Variants in APOOL observed in about 807,000 individuals in gnomAD.
APOOL encodes the protein MICOS complex subunit MIC27.
APOOL carries 12 observed loss-of-function variants against 23.1 expected under a neutral mutation model. The ratio of observed to expected loss-of-function variants is 0.52; its 90% CI spans 0.33 to 0.84. The LOEUF (loss-of-function observed/expected upper bound fraction) is 0.84. Ranked by LOEUF, APOOL falls within the 40% of genes least tolerant of loss-of-function variation. The probability of loss-of-function intolerance (pLI) is 0.02; values close to 1 mark genes in which losing one functional copy is unlikely to be tolerated. For synonymous variants in APOOL, 77 were observed against 69.9 expected (o/e 1.10, Z -0.51); for missense variants, 212 against 199.6 (o/e 1.06, Z -0.37).
At chrX:85,083,088 A>G (rs751449515) in intron 8 of APOOL, among the ~76,000 whole-genome samples, 2 of 110,989 alleles carry the variant, frequency 1.8e-5, no homozygotes, top group Non-Finnish European at 3.8e-5. Flanking sequence ...GATTGAGATG[A>G]TAAGTGTTTC....
chrX:85,034,969 T>C, intron 1 of APOOL, among the ~76,000 whole-genome samples: 1 of 112,038 alleles, frequency 8.9e-6, no homozygotes, highest in Non-Finnish European at 1.9e-5. Context: ...CCTTTGGATA[T>C]ATACCCAGTA....
At chrX:85,070,835 G>GAAAAA (rs1304555775) in intron 6 of APOOL, among the ~76,000 whole-genome samples, 1 of 108,939 alleles carries the variant, frequency 9.2e-6, no homozygotes, top group Non-Finnish European at 1.9e-5. Flanking sequence ...AAAAAAAAAT[G>GAAAAA]AAATCAGTAT....
intron 1 of APOOL, among the ~76,000 whole-genome samples, chrX:85,017,120 G>T (rs377441332): frequency 8.9e-6 from 1 of 111,923 alleles, no homozygotes; most frequent in Non-Finnish European, 1.9e-5. Flanking sequence ...ATACCACCAC[G>T]TGGGGGCAGG....
chrX:85,028,282 C>G (rs767280753), intron 1 of APOOL, among the ~76,000 whole-genome samples: 1 of 111,705 alleles, frequency 9.0e-6, no homozygotes, highest in Non-Finnish European at 1.9e-5. Context: ...TTCCTAGTCT[C>G]ATGATGACTT....
chrX:85,079,249 T>C (rs1027018014), intron 8 of APOOL, among the ~76,000 whole-genome samples: 1 of 111,763 alleles, frequency 8.9e-6, no homozygotes, highest in African/African-American at 3.3e-5. Context: ...GCTTTTATTA[T>C]ATTTAGATAT....
rs1431790354 is a variant in APOOL at position 85,091,332 on chromosome X, G to T, written c.*3654G>T. 8.9e-6 allele frequency: 1 copy of T among 112,592 alleles called. No homozygotes were observed. The highest frequency in any genetic ancestry group is 3.2e-5 in the African/African-American group (1 of 31,040). The allele number at this position is 112,592 out of a possible 1,213,427, so 9.3% of individuals were successfully genotyped here. ...GAGTGTGTTTGAGATCTGATCCAAG[G>T]TTTTAAAAAATTCATTTCAAATCCT... On this transcript the variant is annotated 3_prime_UTR_variant, in exon 9 of 9. Coordinates refer to ENST00000373173, the MANE Select transcript of APOOL (RefSeq NM_198450.6).
intron 8 of APOOL, among the ~76,000 whole-genome samples, chrX:85,086,795 G>C (rs1306970066): frequency 6.9e-5 from 5 of 72,488 alleles, no homozygotes; most frequent in African/African-American, 5.5e-5. Flanking sequence ...CGCTTCCCGG[G>C]TTCACGCCAT....
At chrX:85,006,581 A>G (rs1173876162) in intron 1 of APOOL, among the ~76,000 whole-genome samples, 1 of 110,648 alleles carries the variant, frequency 9.0e-6, no homozygotes, top group African/African-American at 3.3e-5. Flanking sequence ...ACTAAAAACA[A>G]AACAGGAGAC....
intron 6 of APOOL, among the ~76,000 whole-genome samples, chrX:85,067,528 AAAG>A (rs1210427695): frequency 9.0e-6 from 1 of 110,556 alleles, no homozygotes; most frequent in Non-Finnish European, 1.9e-5. Context: ...TTTTTATTTA[AAAG>A]AAGATTAAAA....
intron 5 of APOOL, among the ~76,000 whole-genome samples, chrX:85,056,426 T>C (rs1339162630): frequency 8.9e-6 from 1 of 111,827 alleles, no homozygotes; most frequent in East Asian, 2.8e-4. Flanking sequence ...AAATTATAAT[T>C]TTAATAGAAA....
intron 1 of APOOL, among the ~76,000 whole-genome samples, chrX:85,045,630 C>G (rs1330908645): frequency 9.0e-6 from 1 of 111,523 alleles, no homozygotes; most frequent in Non-Finnish European, 1.9e-5. Context: ...TTACAGTTGG[C>G]CTTGTTGAAT....
At chrX:85,007,601 T>C (rs1738662201) in intron 1 of APOOL, among the ~76,000 whole-genome samples, 1 of 111,121 alleles carries the variant, frequency 9.0e-6, no homozygotes. Flanking sequence ...GTGGAGATCA[T>C]GGTGCTTGAG....
chrX:85,054,193 G>T, intron 3 of APOOL, 151 bp from the exon 4 acceptor site: 1 of 467,205 alleles, frequency 2.1e-6, no homozygotes, highest in Non-Finnish European at 3.7e-6. Context: ...ATGAAAACAA[G>T]CTGGTAGTGA....
chrX:85,061,189 A>G (rs187088055), intron 5 of APOOL, among the ~76,000 whole-genome samples: 10 of 111,297 alleles, frequency 9.0e-5, no homozygotes, highest in African/African-American at 3.3e-4. Flanking sequence ...ACATTTATTG[A>G]TTTGGGTATG....
chrX:85,057,628 C>A (rs1199150166), intron 5 of APOOL, among the ~76,000 whole-genome samples: 1 of 105,545 alleles, frequency 9.5e-6, no homozygotes. Flanking sequence ...TATATCTCAT[C>A]TGAATGGATG....
chrX:85,070,375 G>A (rs934861148), intron 6 of APOOL, among the ~76,000 whole-genome samples: 1 of 111,196 alleles, frequency 9.0e-6, no homozygotes, highest in Non-Finnish European at 1.9e-5. Flanking sequence ...CTTCAAGATG[G>A]AATTACTCTT....
intron 5 of APOOL, among the ~76,000 whole-genome samples, chrX:85,062,417 G>C (rs749660084): frequency 9.0e-6 from 1 of 111,189 alleles, no homozygotes; most frequent in Non-Finnish European, 1.9e-5. Context: ...GATTGGTTTT[G>C]GTGATTTCAT....
intron 6 of APOOL, among the ~76,000 whole-genome samples, chrX:85,070,091 T>C (rs554521449): frequency 8.1e-5 from 9 of 111,737 alleles, no homozygotes; most frequent in African/African-American, 2.9e-4. Flanking sequence ...CCTTAGCATA[T>C]TGGAGAGCAC....
At chrX:85,057,775 A>G (rs936282164) in intron 5 of APOOL, among the ~76,000 whole-genome samples, 3 of 109,837 alleles carry the variant, frequency 2.7e-5, no homozygotes, top group African/African-American at 9.9e-5. Context: ...TTCTAATTGA[A>G]TAAGTATTAT....
Sources: gnomAD v4.1 joint callset for allele counts (sites outside exome capture counted in the v4.1 genomes callset) on GRCh38, gnomAD v4.1.1 for gene constraint, MANE v1.5 for transcripts, NCBI Gene and HGNC (gene_info 2026-07-23, HGNC 2026-07-21) for gene names.